The following CLVS1 variants were observed in gnomAD, a reference collection of about 807,000 sequenced individuals.
CLVS1 encodes clavesin-1.
Under a neutral mutation model 33.1 loss-of-function variants are expected in CLVS1, and 10 were observed. The ratio of observed to expected loss-of-function variants is 0.30; its 90% CI spans 0.19 to 0.51. CLVS1 has a LOEUF of 0.51. Among genes scored for constraint, CLVS1 ranks in the 20% least tolerant of loss-of-function variants. The pLI is 0.97. For missense variants in CLVS1, 343 were observed against 433.4 expected, an observed-to-expected ratio of 0.79 and a Z score of 1.85; for synonymous variants, 163 against 166.1, an observed-to-expected ratio of 0.98 and a Z score of 0.14.
the CLVS1 span, among the ~76,000 whole-genome samples, chr8:60,977,486 A>G: frequency 1.3e-5 from 2 of 152,214 alleles, no homozygotes; most frequent in Non-Finnish European, 2.9e-5. Flanking sequence ...GAGAATATCA[A>G]CAAAGAGATA....
Position 61,088,958 on chromosome 8 carries a change from C to T in CLVS1, c.-243+31728C>T, listed in dbSNP as rs973487153. ...CTGGGACTACAGGCGCCTGCCACTA[C>T]GCCTGGCTAATTTTTTTGTATTTTT... On this transcript the variant is annotated intron_variant, in intron 1 of 2. Coordinates refer to the CLVS1 transcript ENST00000522621. 1.2e-4 allele frequency among the ~76,000 whole-genome samples: 18 copies of T among 152,108 alleles called. No homozygotes were observed. In the East Asian group the frequency reaches 1.6e-3, roughly 13 times the overall value.
the CLVS1 span, among the ~76,000 whole-genome samples, chr8:61,034,369 CA>C: frequency 1.3e-5 from 1 of 79,554 alleles, no homozygotes; most frequent in Non-Finnish European, 3.0e-5. Flanking sequence ...AAATACTTAT[CA>C]TTTTTTTTTT....
At chr8:61,127,430 G>A (rs1256551302) in intron 1 of CLVS1, among the ~76,000 whole-genome samples, 1 of 152,008 alleles carries the variant, frequency 6.6e-6, no homozygotes, top group African/African-American at 2.4e-5. Context: ...TGTTGGTCAG[G>A]CTGGTCTATG....
intron 5 of CLVS1, among the ~76,000 whole-genome samples, chr8:61,490,333 A>G (rs1350014934): frequency 3.3e-5 from 5 of 151,840 alleles, no homozygotes; most frequent in African/African-American, 1.2e-4. Context: ...CAAAAAAAAA[A>G]AAAAGAAGGA....
At chr8:61,091,124 T>A (rs567688371) in intron 1 of CLVS1, among the ~76,000 whole-genome samples, 45 of 152,288 alleles carry the variant, frequency 3.0e-4, no homozygotes, top group African/African-American at 1.0e-3. Context: ...GAGGTGGGCC[T>A]GAGGTAATCA....
chr8:61,330,228 A>G (rs1185507742), intron 2 of CLVS1, among the ~76,000 whole-genome samples: 1 of 152,150 alleles, frequency 6.6e-6, no homozygotes, highest in African/African-American at 2.4e-5. Flanking sequence ...CTGCTGTTAC[A>G]GTGTCCACGG....
At chr8:61,259,920 G>C (rs968585065) in intron 2 of CLVS1, among the ~76,000 whole-genome samples, 1 of 152,310 alleles carries the variant, frequency 6.6e-6, no homozygotes, top group East Asian at 1.9e-4. Context: ...AGAGTCTGCA[G>C]CACCACCTTA....
chr8:61,444,740 C>T, intron 3 of CLVS1, among the ~76,000 whole-genome samples: 1 of 152,160 alleles, frequency 6.6e-6, no homozygotes, highest in East Asian at 1.9e-4. Flanking sequence ...TTGTGATTTT[C>T]ATAGGAAAGA....
chr8:61,159,963 A>G (rs866807341), intron 2 of CLVS1, among the ~76,000 whole-genome samples: 1 of 152,328 alleles, frequency 6.6e-6, no homozygotes, highest in South Asian at 2.1e-4. Flanking sequence ...AGAAGTATTT[A>G]TAGTTCTTCT....
chr8:61,229,200 T>G (rs1808385869), intron 2 of CLVS1, among the ~76,000 whole-genome samples: 1 of 152,222 alleles, frequency 6.6e-6, no homozygotes, highest in Non-Finnish European at 1.5e-5. Context: ...GCTAAGTGGT[T>G]TGTCTCATCT....
intron 2 of CLVS1, among the ~76,000 whole-genome samples, chr8:61,142,212 TAGTG>T (rs758173892): frequency 5.3e-5 from 8 of 152,172 alleles, no homozygotes; most frequent in Admixed American, 2.6e-4. Flanking sequence ...GTTCTCGTGA[TAGTG>T]AGTGAGTTCT....
chr8:61,060,211 T>C (rs1804559879), intron 1 of CLVS1, among the ~76,000 whole-genome samples: 1 of 152,178 alleles, frequency 6.6e-6, no homozygotes, highest in Non-Finnish European at 1.5e-5. Flanking sequence ...CCTTCCTTCT[T>C]ACTTGGAGCA....
intron 2 of CLVS1, among the ~76,000 whole-genome samples, chr8:61,237,874 T>G (rs919456857): frequency 6.6e-6 from 1 of 150,826 alleles, no homozygotes; most frequent in Admixed American, 6.7e-5. Context: ...GTGGGCTTTC[T>G]GCTGCCTTAG....
At chr8:61,241,078 C>G (rs1022307996) in intron 2 of CLVS1, among the ~76,000 whole-genome samples, 2 of 152,092 alleles carry the variant, frequency 1.3e-5, no homozygotes, top group Admixed American at 1.3e-4. Flanking sequence ...TGTTCACAGA[C>G]AGTCATCCTT....
intron 2 of CLVS1, among the ~76,000 whole-genome samples, chr8:61,263,110 C>T (rs1162239300): frequency 1.3e-5 from 2 of 152,108 alleles, no homozygotes; most frequent in Non-Finnish European, 2.9e-5. Flanking sequence ...TGAAAAATGA[C>T]CCAAAGATGT....
chr8:61,259,459 G>A (rs1809153505), intron 2 of CLVS1, among the ~76,000 whole-genome samples: 1 of 152,162 alleles, frequency 6.6e-6, no homozygotes, highest in African/African-American at 2.4e-5. Flanking sequence ...ATTTAGGCAG[G>A]AATCACTAAC....
At chr8:61,001,049 A>T in the CLVS1 span, among the ~76,000 whole-genome samples, 1 of 152,162 alleles carries the variant, frequency 6.6e-6, no homozygotes, top group Non-Finnish European at 1.5e-5. Flanking sequence ...TAAAGTTATT[A>T]TCATTATTAT....
At chr8:61,310,431 G>A (rs1810791093) in intron 2 of CLVS1, among the ~76,000 whole-genome samples, 1 of 152,082 alleles carries the variant, frequency 6.6e-6, no homozygotes, top group Non-Finnish European at 1.5e-5. Flanking sequence ...TAATTTCTCA[G>A]TTAAAACACT....
intron 2 of CLVS1, among the ~76,000 whole-genome samples, chr8:61,193,034 G>A (rs1807526604): frequency 6.6e-6 from 1 of 152,168 alleles, no homozygotes; most frequent in South Asian, 2.1e-4. Flanking sequence ...ATACCCGAAG[G>A]ATTATAAATC....
Sources: allele counts gnomAD v4.1 joint callset (sites outside exome capture counted in the v4.1 genomes callset), GRCh38; gene constraint gnomAD v4.1.1; transcripts MANE v1.5; gene names NCBI Gene and HGNC (gene_info 2026-07-23, HGNC 2026-07-21).